KCNMB2: variants seen among roughly 807,000 people sequenced by gnomAD.
KCNMB2 encodes the protein potassium calcium-activated channel subfamily M regulatory beta subunit 2.
Under a neutral mutation model 24.5 loss-of-function variants are expected in KCNMB2, and 9 were observed. That is an observed-to-expected ratio of 0.37 (90% CI 0.22 to 0.64). The LOEUF is 0.64. KCNMB2 is among the 30% of genes least tolerant of loss of function. The pLI, the probability that KCNMB2 is intolerant of heterozygous loss-of-function variation, is 0.63. For synonymous variants in KCNMB2, 109 were observed against 104.4 expected (o/e 1.04, Z -0.27); for missense variants, 226 against 284.3 (o/e 0.79, Z 1.47).
At position 178,609,641 on chromosome 3, in the gene KCNMB2, C is replaced by T. The variant is rs151290338; in HGVS notation, c.-68+72930C>T. ...TTAGATATAAGTCTTTAGTCTATTT[C>T]GATTTTTTTTTTTTTGGCAGATTGT... On this transcript the variant is annotated intron_variant, in intron 1 of 4. Transcript: ENST00000452583. Among the ~76,000 whole-genome samples, 15 of 150,998 alleles carry T rather than the reference C, an allele frequency of 9.9e-5. 1 individual carries two copies. The highest frequency in any genetic ancestry group is 4.2e-4 in the South Asian group (2 of 4,768).
At chr3:178,756,054 G>A (rs1039009340) in intron 1 of KCNMB2, among the ~76,000 whole-genome samples, 16 of 151,968 alleles carry the variant, frequency 1.1e-4, no homozygotes, top group Admixed American at 8.5e-4. Flanking sequence ...TAAATGTCAC[G>A]CAGCCATTAA....
rs868242013 is a variant in KCNMB2 at position 178,809,461 on chromosome 3, A to C, written c.56+1996A>C. On this transcript the variant is annotated intron_variant, in intron 2 of 4. Coordinates refer to ENST00000452583, the MANE Select transcript of KCNMB2 (RefSeq NM_181361.3). ...TATTATGCTGGCTTCACAGATGAGG[A>C]AACTGAGGCTTTTTAAATAACTGAG... Among the ~76,000 whole-genome samples the C allele has an allele frequency of 2.0e-5, 3 of 152,322 alleles. No homozygotes were observed. In the East Asian group the frequency reaches 5.8e-4, roughly 29 times the overall value.
chr3:178,603,768 G>A (rs927138294), intron 1 of KCNMB2, among the ~76,000 whole-genome samples: 1 of 152,168 alleles, frequency 6.6e-6, no homozygotes, highest in East Asian at 1.9e-4. Flanking sequence ...GGTCTGTTGG[G>A]AATTGGAAAT....
intron 1 of KCNMB2, among the ~76,000 whole-genome samples, chr3:178,634,111 T>C (rs1719427347): frequency 6.6e-6 from 1 of 152,188 alleles, no homozygotes; most frequent in African/African-American, 2.4e-5. Context: ...AACTTTCCCA[T>C]GTCTTCCTGT....
At chr3:178,775,828 G>C (rs1712556368) in intron 1 of KCNMB2, among the ~76,000 whole-genome samples, 2 of 152,156 alleles carry the variant, frequency 1.3e-5, no homozygotes, top group Admixed American at 6.6e-5. Context: ...AAGAACAAAA[G>C]CTAAACTGCA....
chr3:178,654,863 A>C (rs572740137), intron 1 of KCNMB2, among the ~76,000 whole-genome samples: 2 of 152,246 alleles, frequency 1.3e-5, no homozygotes, highest in South Asian at 4.1e-4. Context: ...AATAGGTTCA[A>C]GTTTTGGCTC....
At chr3:178,554,544 T>C (rs1203205514) in intron 1 of KCNMB2, among the ~76,000 whole-genome samples, 1 of 152,224 alleles carries the variant, frequency 6.6e-6, no homozygotes, top group Non-Finnish European at 1.5e-5. Context: ...ATTCCTTTCT[T>C]TCTTTCTGAT....
At position 178,620,674 on chromosome 3, in the gene KCNMB2, G is replaced by C. The variant is rs192623919; in HGVS notation, c.-68+83963G>C. On this transcript the variant is annotated intron_variant, in intron 1 of 4. Coordinates refer to ENST00000452583, the MANE Select transcript of KCNMB2 (RefSeq NM_181361.3). ...TTCATACCATCATTTTACACGTTAG[G>C]ATTTCAACATAATGTATTTTGGGGA... Among the ~76,000 whole-genome samples, 108 of 152,220 alleles carry C rather than the reference G, an allele frequency of 7.1e-4. No homozygotes were observed. The Middle Eastern group carries it at 0.01, about 14-fold the overall frequency.
At chr3:178,644,034 T>C (rs928084884) in intron 1 of KCNMB2, among the ~76,000 whole-genome samples, 1 of 152,186 alleles carries the variant, frequency 6.6e-6, no homozygotes, top group African/African-American at 2.4e-5. Context: ...AACCAGCACA[T>C]TAAATACTCC....
intron 1 of KCNMB2, among the ~76,000 whole-genome samples, chr3:178,601,484 C>T (rs1236199618): frequency 6.6e-6 from 1 of 152,136 alleles, no homozygotes; most frequent in Non-Finnish European, 1.5e-5. Context: ...ATAACACAAA[C>T]CTCTTTGGAT....
intron 2 of KCNMB2, among the ~76,000 whole-genome samples, chr3:178,812,064 CTT>C (rs1418617715): frequency 2.0e-5 from 3 of 152,050 alleles, no homozygotes; most frequent in African/African-American, 4.8e-5. Flanking sequence ...AATCATACCT[CTT>C]ACCATTTTTC....
intron 1 of KCNMB2, among the ~76,000 whole-genome samples, chr3:178,595,191 T>G (rs1236780065): frequency 6.6e-6 from 1 of 152,048 alleles, no homozygotes; most frequent in Non-Finnish European, 1.5e-5. Context: ...CAGTTTCCAG[T>G]GTGCTTTATC....
intron 1 of KCNMB2, among the ~76,000 whole-genome samples, chr3:178,621,890 G>A (rs1187410810): frequency 6.6e-6 from 1 of 152,172 alleles, no homozygotes; most frequent in African/African-American, 2.4e-5. Flanking sequence ...AGTAAGGGAG[G>A]TAATTTGATG....
intron 1 of KCNMB2, among the ~76,000 whole-genome samples, chr3:178,759,539 C>A (rs1367288509): frequency 3.4e-5 from 4 of 116,998 alleles, no homozygotes; most frequent in Non-Finnish European, 6.9e-5. Context: ...ATACATATAT[C>A]TCTCTCCAAG....
chr3:178,724,025 G>T (rs1020627939), intron 1 of KCNMB2, among the ~76,000 whole-genome samples: 3 of 152,162 alleles, frequency 2.0e-5, no homozygotes, highest in Non-Finnish European at 4.4e-5. Flanking sequence ...TGCATTGAAT[G>T]ATAGTTCTGC....
chr3:178,696,589 T>C lies in KCNMB2; in HGVS notation c.-67-110754T>C, dbSNP rs146958875. 1.7e-3 allele frequency among the ~76,000 whole-genome samples: 263 copies of C among 152,326 alleles called. 4 individuals are homozygous for C. The East Asian group carries it at 0.042, about 24-fold the overall frequency. Reference sequence around the variant, plus strand: ...GATACTTTGAATGTATTTTCATTTCTCAATCTTATTCAGTTCAGTTCTGAT... The same window carrying C: ...GATACTTTGAATGTATTTTCATTTCCCAATCTTATTCAGTTCAGTTCTGAT... On this transcript the variant is annotated intron_variant, in intron 1 of 4. Coordinates refer to ENST00000452583, the MANE Select transcript of KCNMB2 (RefSeq NM_181361.3).
chr3:178,840,450 G>T (rs1200355421), intron 4 of KCNMB2, among the ~76,000 whole-genome samples: 1 of 152,230 alleles, frequency 6.6e-6, no homozygotes, highest in Admixed American at 6.5e-5. Context: ...TGGGGATTCT[G>T]TGTGGGAACT....
At chr3:178,731,111 GA>G (rs202170522) in intron 1 of KCNMB2, among the ~76,000 whole-genome samples, 6 of 150,386 alleles carry the variant, frequency 4.0e-5, no homozygotes, top group South Asian at 2.1e-4. Context: ...GGAAAAGAAA[GA>G]AAAAAAAATA....
chr3:178,696,212 G>A (rs1044936708), intron 1 of KCNMB2, among the ~76,000 whole-genome samples: 1 of 152,130 alleles, frequency 6.6e-6, no homozygotes, highest in African/African-American at 2.4e-5. Flanking sequence ...AACAGGATGG[G>A]GGAAACCATC....
Sources: allele counts gnomAD v4.1 joint callset (sites outside exome capture counted in the v4.1 genomes callset), GRCh38; gene constraint gnomAD v4.1.1; transcripts MANE v1.5; gene names NCBI Gene and HGNC (gene_info 2026-07-23, HGNC 2026-07-21).